ADAMTS8: variants seen among roughly 807,000 people sequenced by gnomAD.
ADAMTS8 encodes A disintegrin and metalloproteinase with thrombospondin motifs 8.
A neutral mutation model predicts 64.4 loss-of-function variants in ADAMTS8; 50 were observed. The observed-to-expected ratio is 0.78, with a 90% confidence interval of 0.62 to 0.98. The LOEUF (loss-of-function observed/expected upper bound fraction) is 0.98, where lower values mean the gene tolerates loss of function less well. Among genes scored for constraint, ADAMTS8 ranks in the 50% least tolerant of loss-of-function variants. ADAMTS8 has a pLI of 0.00. For missense variants in ADAMTS8, 1,192 were observed against 1,208.2 expected (o/e 0.99, Z 0.20); for synonymous variants, 556 against 533.6 (o/e 1.04, Z -0.58).
At chr11:130,424,728 G>A (rs975755579) in intron 1 of ADAMTS8, among the ~76,000 whole-genome samples, 5 of 152,122 alleles carry the variant, frequency 3.3e-5, no homozygotes, top group East Asian at 3.9e-4. Flanking sequence ...TTTCGGAAGC[G>A]CAGGGGACTG....
Position 130,428,222 on chromosome 11 carries a change from GGC to G in ADAMTS8, c.63_64del (p.Pro22AlafsTer177). On this transcript the variant is annotated frameshift_variant, in exon 1 of 9. Transcript: ENST00000257359. LOFTEE classifies it high-confidence loss of function. Reference sequence around the variant, plus strand: ...CCGGGCCGGGGCGCCGCGGGCCAGCGGCAGCAGCAGCAGCAGCAGCAGCAGGA... The same window carrying G: ...CCGGGCCGGGGCGCCGCGGGCCAGCGAGCAGCAGCAGCAGCAGCAGCAGGA... 1 of 1,199,502 alleles carries G rather than the reference GGC, an allele frequency of 8.3e-7. No individual in the cohort carries two copies. Among genetic ancestry groups the G allele is most frequent in the Non-Finnish European group, 1.0e-6 (1 of 967,886 alleles). The allele number at this position is 1,199,502 out of a possible 1,614,324, so 74.3% of individuals were successfully genotyped here.
At chr11:130,410,052 T>A (rs750816909) in intron 6 of ADAMTS8, among the ~76,000 whole-genome samples, 4 of 152,176 alleles carry the variant, frequency 2.6e-5, no homozygotes, top group Admixed American at 6.5e-5. Flanking sequence ...TCCACCTAAG[T>A]GAATGAGGGC....
chr11:130,422,627 A>G (rs1862115268), intron 1 of ADAMTS8, among the ~76,000 whole-genome samples: 1 of 152,200 alleles, frequency 6.6e-6, no homozygotes, highest in Admixed American at 6.5e-5. Flanking sequence ...GAGAGGAAAG[A>G]AGTGAGAGGA....
chr11:130,422,584 T>C (rs772824030), intron 1 of ADAMTS8, among the ~76,000 whole-genome samples: 1 of 152,156 alleles, frequency 6.6e-6, no homozygotes, highest in Non-Finnish European at 1.5e-5. Context: ...GGCCTGAGAC[T>C]GAGCTGGGGG....
At chr11:130,413,714 C>T (rs1861981793) in intron 5 of ADAMTS8, among the ~76,000 whole-genome samples, 1 of 152,166 alleles carries the variant, frequency 6.6e-6, no homozygotes, top group Non-Finnish European at 1.5e-5. Flanking sequence ...AATCTGTCTC[C>T]TCTCCTCCTC....
chr11:130,404,959 T>A lies in ADAMTS8; in HGVS notation c.*599A>T. 2.0e-6 allele frequency: 2 copies of A among 982,040 alleles called. No individual in the cohort carries two copies. The highest frequency in any genetic ancestry group is 2.4e-6 in the Non-Finnish European group (2 of 826,358). 60.8% of individuals were successfully genotyped at this position (982,040 alleles called of 1,614,324 possible). A position where few individuals can be genotyped will look rare whatever the true frequency, so the allele number is the denominator to read the frequency against. Reference sequence around the variant, plus strand: ...TCACACTTTAGTTCAGAGACACATTTGCATAAATACTTGAAATGGATCCAC... The same window carrying A: ...TCACACTTTAGTTCAGAGACACATTAGCATAAATACTTGAAATGGATCCAC... On this transcript the variant is annotated 3_prime_UTR_variant, in exon 9 of 9. Coordinates refer to ENST00000257359, the MANE Select transcript of ADAMTS8 (RefSeq NM_007037.6).
rs1306679778 is a variant in ADAMTS8 at position 130,428,512 on chromosome 11, G to T, written c.-226C>A. The T allele has an allele frequency of 7.5e-6, 7 of 935,970 alleles. No individual in the cohort carries two copies. The highest frequency in any genetic ancestry group is 4.8e-5 in the South Asian group (1 of 20,896). 58.0% of individuals were successfully genotyped at this position (935,970 alleles called of 1,614,324 possible). ...GCGCCGCCGCCCCCGAGCCGAGCGC[G>T]AGCAGCTGGCCCCGGCCCGCGTGCG... On this transcript the variant is annotated 5_prime_UTR_variant, in exon 1 of 9. Transcript: ENST00000257359.
In ADAMTS8 at chr11:130,408,615, G is replaced by T; in HGVS notation, c.1948C>A (p.Pro650Thr). ...CGGACACAGATGGCCAGTGTTTCTG[G>T]CCCACACAGGGTGCCATCAATCACC... Reference protein sequence around the residue: ...AKVIDGTLCGPETLAICVRGQ... With the variant: ...AKVIDGTLCGTETLAICVRGQ... The change falls in exon 8 of 9, where the codon CCA (proline) becomes ACA (threonine). Residue 650 changes from proline to threonine, a missense_variant. Coordinates refer to ENST00000257359, the MANE Select transcript of ADAMTS8 (RefSeq NM_007037.6). The T allele has an allele frequency of 1.2e-6, 2 of 1,614,128 alleles. No homozygotes were observed. Among genetic ancestry groups the T allele is most frequent in the Non-Finnish European group, 1.7e-6 (2 of 1,180,022 alleles).
chr11:130,419,291 T>C lies in ADAMTS8; in HGVS notation c.722A>G (p.Asn241Ser), dbSNP rs780899041. The part of the protein sequence containing the change: ...MAAFYGADLQ[N>S]HILTLMSVAA... ...CACAGACATTAACGTCAGGATGTGG[T>C]TCTGTCAGGAAGGAGGAGACAAGAG... The change falls in exon 2 of 9, where the codon AAC becomes AGC. Residue 241 changes from asparagine to serine, a missense_variant and splice_region_variant. Coordinates refer to ENST00000257359, the MANE Select transcript of ADAMTS8 (RefSeq NM_007037.6). 35 of 1,613,888 alleles carry C rather than the reference T, an allele frequency of 2.2e-5. No individual in the cohort carries two copies. In the South Asian group the frequency reaches 3.7e-4, roughly 17 times the overall value.
rs373860109 is a variant in ADAMTS8 at position 130,405,829 on chromosome 11, G to A, written c.2399C>T (p.Pro800Leu). 4.3e-6 allele frequency: 7 copies of A among 1,613,738 alleles called. No individual in the cohort carries two copies. The highest frequency in any genetic ancestry group is 1.7e-5 in the Admixed American group (1 of 60,010). ...LLTVPGEVFPPKVKYTFFVPN... is the reference protein window; with the variant it reads ...LLTVPGEVFPLKVKYTFFVPN... ...AACAAAGAAGGTGTATTTGACTTTTGGGGGGAAGACCTCGCCAGGGACTGT... is the reference window on the plus strand; with the variant it reads ...AACAAAGAAGGTGTATTTGACTTTTAGGGGGAAGACCTCGCCAGGGACTGT... Residue 800 changes from proline to leucine, a missense_variant, in exon 9 of 9, where the codon CCA (proline) becomes CTA (leucine). Coordinates refer to ENST00000257359, the MANE Select transcript of ADAMTS8 (RefSeq NM_007037.6).
Position 130,427,926 on chromosome 11 carries a change from C to T in ADAMTS8, c.361G>A (p.Gly121Arg), listed in dbSNP as rs913532046. 6.5e-6 allele frequency: 10 copies of T among 1,533,542 alleles called. No homozygotes were observed. In the African/African-American group the frequency reaches 8.2e-5, roughly 13 times the overall value. The allele number at this position is 1,533,542 out of a possible 1,614,324, so 95.0% of individuals were successfully genotyped here. A position where few individuals can be genotyped will look rare whatever the true frequency, so the allele number is the denominator to read the frequency against. Reference protein sequence around the residue: ...ESLAAVSLCRGLSGSFLLDGE... With the variant: ...ESLAAVSLCRRLSGSFLLDGE... ...TCCAGCAGGAAGGAGCCGCTCAGCC[C>T]GCGGCACAGGCTGACCGCCGCCAGC... The change falls in exon 1 of 9, where the codon GGG becomes AGG. Residue 121 changes from glycine (G) to arginine (R), a missense_variant. Gly to Arg is a moderately radical substitution (Grantham distance 125). Coordinates refer to ENST00000257359, the MANE Select transcript of ADAMTS8 (RefSeq NM_007037.6).
Position 130,417,127 on chromosome 11 carries a change from GCTGCAGGC to G in ADAMTS8, c.961-60_961-53del, listed in dbSNP as rs765740333. The G allele has an allele frequency of 1.2e-4, 186 of 1,604,496 alleles. No homozygotes were observed. The Admixed American group carries it at 3.1e-3, about 26-fold the overall frequency. ...GTGCATCAGTGTGTGTGTGGGGTGC[GCTGCAGGC>G]CTGCAGGGCCGGGTGTGGCCAGCGT... On this transcript the variant is annotated intron_variant, in intron 2 of 8. Coordinates refer to ENST00000257359, the MANE Select transcript of ADAMTS8 (RefSeq NM_007037.6).
Position 130,413,861 on chromosome 11 carries a change from C to T in ADAMTS8, c.1566+670G>A, listed in dbSNP as rs147989981. On this transcript the variant is annotated intron_variant, in intron 5 of 8. Transcript: ENST00000257359. ...ATTCCGCGTGTCTCTGTGTTCATGA[C>T]GGAATTGACAGTGGCTCCATCTGTT... 1.1e-4 allele frequency among the ~76,000 whole-genome samples: 17 copies of T among 152,266 alleles called. No homozygotes were observed. The East Asian group carries it at 1.7e-3, about 16-fold the overall frequency.
At chr11:130,407,431 G>C (rs543417833) in intron 8 of ADAMTS8, among the ~76,000 whole-genome samples, 22 of 152,204 alleles carry the variant, frequency 1.4e-4, no homozygotes, top group African/African-American at 5.1e-4. Flanking sequence ...GGCTGATTCT[G>C]TTCTCTCAGA....
At chr11:130,425,297 G>A (rs1217934718) in intron 1 of ADAMTS8, among the ~76,000 whole-genome samples, 3 of 152,098 alleles carry the variant, frequency 2.0e-5, no homozygotes, top group East Asian at 1.9e-4. Flanking sequence ...TCCTGGGGTC[G>A]GGCCTCAGAG....
At position 130,421,978 on chromosome 11, in the gene ADAMTS8, C is replaced by G. The variant is rs374749720; in HGVS notation, c.721-2686G>C. The stretch of plus-strand genomic sequence containing the variant: ...CAGAGGCATCAGCAGAGCAGCCGCC[C>G]CCCAAACCACGGCAGGTAGGTGGGA... On this transcript the variant is annotated intron_variant, in intron 1 of 8. Coordinates refer to ENST00000257359, the MANE Select transcript of ADAMTS8 (RefSeq NM_007037.6). Among the ~76,000 whole-genome samples, 4 of 152,248 alleles carry G rather than the reference C, an allele frequency of 2.6e-5. No homozygotes were observed. The East Asian group carries it at 5.8e-4, about 22-fold the overall frequency.
chr11:130,408,317 A>G, intron 8 of ADAMTS8, 147 bp downstream of exon 8: 1 of 974,410 alleles, frequency 1.0e-6, no homozygotes, highest in South Asian at 1.6e-5. Context: ...ACATTTTACA[A>G]AGAAACTGAA....
intron 5 of ADAMTS8, among the ~76,000 whole-genome samples, chr11:130,414,322 CTA>C (rs1360070564): frequency 1.3e-5 from 2 of 151,850 alleles, no homozygotes; most frequent in African/African-American, 4.8e-5. Context: ...CAGGATCTCA[CTA>C]TGTTGCCCAG....
Position 130,417,176 on chromosome 11 carries a change from C to G in ADAMTS8, c.961-101G>C, listed in dbSNP as rs2134684185. The G allele has an allele frequency of 2.0e-6, 3 of 1,472,410 alleles. No individual in the cohort carries two copies. In the East Asian group the frequency reaches 6.9e-5, roughly 34 times the overall value. The allele number at this position is 1,472,410 out of a possible 1,614,324, so 91.2% of individuals were successfully genotyped here. A position where few individuals can be genotyped will look rare whatever the true frequency, so the allele number is the denominator to read the frequency against. On this transcript the variant is annotated intron_variant, in intron 2 of 8. Transcript: ENST00000257359. The stretch of plus-strand genomic sequence containing the variant: ...TGGCCAGCGTGCACGTGGGAGTGGA[C>G]CACTGAGCGTCCCATAACATGTTTG...
Sources: allele counts gnomAD v4.1 joint callset (sites outside exome capture counted in the v4.1 genomes callset), GRCh38; gene constraint gnomAD v4.1.1; transcripts MANE v1.5; gene names NCBI Gene and HGNC (gene_info 2026-07-23, HGNC 2026-07-21).